Variants in DNAH17 observed in about 807,000 individuals in gnomAD.
DNAH17 encodes the protein axonemal beta dynein heavy chain 17.
DNAH17 carries 376 observed loss-of-function variants against 485.6 expected under a neutral mutation model. The ratio of observed to expected loss-of-function variants is 0.77; its 90% CI spans 0.71 to 0.84. The LOEUF (loss-of-function observed/expected upper bound fraction) is 0.84. Among genes scored for constraint, DNAH17 ranks in the 40% least tolerant of loss-of-function variants. The pLI is 0.00. For synonymous variants in DNAH17, 3,031 were observed against 2,405.9 expected (o/e 1.26, Z -7.60); for missense variants, 6,370 against 5,839.3 (o/e 1.09, Z -2.96).
At position 78,445,598 on chromosome 17, in the gene DNAH17, G is replaced by A. The variant is rs1568060984; in HGVS notation, c.11294C>T (p.Pro3765Leu). Reference sequence around the variant, plus strand: ...GCCTTGATGCTGGAGGAAGTCCACTGGTGAGACCACTCCGGCCTTAAAAGG... The same window carrying A: ...GCCTTGATGCTGGAGGAAGTCCACTAGTGAGACCACTCCGGCCTTAAAAGG... ...RFPFKAGVVS[P>L]VDFLQHQGWG... The change falls in exon 70 of 81, where the codon CCA becomes CTA. Residue 3765 changes from proline to leucine, a missense_variant. Physicochemically the swap from Pro to Leu is moderately conservative, Grantham distance 98. Transcript: ENST00000389840. 1.3e-6 allele frequency: 2 copies of A among 1,564,392 alleles called. No homozygotes were observed. Among genetic ancestry groups the A allele is most frequent in the Admixed American group, 3.8e-5 (2 of 52,642 alleles).
intron 31 of DNAH17, among the ~76,000 whole-genome samples, chr17:78,504,221 A>G (rs2090407059): frequency 6.6e-6 from 1 of 152,066 alleles, no homozygotes; most frequent in East Asian, 1.9e-4. Flanking sequence ...GTCTGCCACC[A>G]CACCTGGTTA....
chr17:78,574,819 A>G lies in DNAH17; in HGVS notation c.239T>C (p.Ile80Thr). Residue 80 changes from isoleucine (I) to threonine (T), a missense_variant, in exon 2 of 81, where the codon ATC becomes ACC. Transcript: ENST00000389840. The part of the protein sequence containing the change: ...QSLKSKGVYF[I>T]KTKSENINKD... ...GTTGATGTTCTCGGACTTTGTCTTG[A>G]TGAAGTAAACCCCTTTGGACTTGAG... The G allele has an allele frequency of 6.2e-7, 1 of 1,613,974 alleles. No individual in the cohort carries two copies. The highest frequency in any genetic ancestry group is 8.5e-7 in the Non-Finnish European group (1 of 1,179,870).
intron 31 of DNAH17, among the ~76,000 whole-genome samples, chr17:78,504,267 G>A (rs2090409093): frequency 6.6e-6 from 1 of 152,072 alleles, no homozygotes; most frequent in African/African-American, 2.4e-5. Context: ...GTTTCGCCGT[G>A]TTAGCCAGGC....
At position 78,543,384 on chromosome 17, in the gene DNAH17, G is replaced by T. The variant is rs369948620; in HGVS notation, c.2532+473C>A. 2.6e-5 allele frequency among the ~76,000 whole-genome samples: 4 copies of T among 151,262 alleles called. No homozygotes were observed. In the East Asian group the frequency reaches 5.8e-4, roughly 22 times the overall value. On this transcript the variant is annotated intron_variant, in intron 17 of 80. Coordinates refer to ENST00000389840, the MANE Select transcript of DNAH17 (RefSeq NM_173628.4). ...TGGCTCACTGCAAGCTCCGCTTCCC[G>T]GGTTCACGCCATTCTCCTGCCTCAG...
chr17:78,428,751 G>A (rs971018809), intron 76 of DNAH17, 44 bp from the exon 77 acceptor site: 3 of 1,605,376 alleles, frequency 1.9e-6, no homozygotes, highest in Non-Finnish European at 2.6e-6. Context: ...AGCTGTGCAG[G>A]CTGAAACCCA....
At chr17:78,439,306 C>A (rs1431352548) in intron 72 of DNAH17, 89 bp from the exon 73 acceptor site, 2 of 1,428,022 alleles carry the variant, frequency 1.4e-6, no homozygotes, top group Non-Finnish European at 9.3e-7. Context: ...ATTCCACATG[C>A]CTCCCTCATT....
rs542801255 is a variant in DNAH17, at chr17:78,491,806, C to T, written c.6542-236G>A. Among the ~76,000 whole-genome samples, 19 of 152,352 alleles carry T rather than the reference C, an allele frequency of 1.2e-4. No homozygotes were observed. In the East Asian group the frequency reaches 2.9e-3, roughly 23 times the overall value. On this transcript the variant is annotated intron_variant, in intron 42 of 80. Transcript: ENST00000389840. Reference sequence around the variant, plus strand: ...GCCTGTCCTCCTCCGACCCTGCACCCTCCCTGTCAGCCCCTCTTTGTGGCC... The same window carrying T: ...GCCTGTCCTCCTCCGACCCTGCACCTTCCCTGTCAGCCCCTCTTTGTGGCC...
At position 78,423,770 on chromosome 17, in the gene DNAH17, G is replaced by T; in HGVS notation, c.*136C>A. 3 of 1,170,868 alleles carry T rather than the reference G, an allele frequency of 2.6e-6. No homozygotes were observed. The highest frequency in any genetic ancestry group is 3.6e-6 in the Non-Finnish European group (3 of 824,912). The allele number at this position is 1,170,868 out of a possible 1,614,324, so 72.5% of individuals were successfully genotyped here. On this transcript the variant is annotated 3_prime_UTR_variant, in exon 81 of 81. Coordinates refer to ENST00000389840, the MANE Select transcript of DNAH17 (RefSeq NM_173628.4). ...TCCACCCTCTGGTTCCGATGTGCTT[G>T]GTTACAAAGCACCTGATTATTTAAG...
At chr17:78,541,287 T>G (rs1463889742) in intron 17 of DNAH17, among the ~76,000 whole-genome samples, 4 of 20,422 alleles carry the variant, frequency 2.0e-4, no homozygotes, top group Non-Finnish European at 2.6e-4. Flanking sequence ...AGCAAGCAGA[T>G]GGGTGGGTGG....
intron 43 of DNAH17, 97 bp downstream of exon 43, chr17:78,491,346 G>C: frequency 6.7e-7 from 1 of 1,487,112 alleles, no homozygotes; most frequent in Non-Finnish European, 9.0e-7. Flanking sequence ...GCCAAGCCTG[G>C]CATGCAGGGC....
At chr17:78,424,555 A>G (rs909329989) in intron 80 of DNAH17, 2 of 166,804 alleles carry the variant, frequency 1.2e-5, no homozygotes, top group African/African-American at 2.5e-5. Context: ...ATCTGTGCAT[A>G]TAAATATTGC....
chr17:78,457,241 C>T (rs540817653), intron 62 of DNAH17, among the ~76,000 whole-genome samples: 4 of 152,204 alleles, frequency 2.6e-5, no homozygotes, highest in African/African-American at 9.6e-5. Context: ...TGTGGTGGCA[C>T]GCATCTGTGG....
Position 78,562,125 on chromosome 17 carries a change from G to A in DNAH17, c.1570-145C>T. 6 of 1,026,588 alleles carry A rather than the reference G, an allele frequency of 5.8e-6. No homozygotes were observed. The South Asian group carries it at 9.7e-5, about 17-fold the overall frequency. 63.6% of individuals were successfully genotyped at this position (1,026,588 alleles called of 1,614,324 possible). ...AACAAAACAATCCACTGGAACCTTT[G>A]TGTGTGTCAACTGGCTCAGTGGAAG... On this transcript the variant is annotated intron_variant, in intron 11 of 80. Coordinates refer to ENST00000389840, the MANE Select transcript of DNAH17 (RefSeq NM_173628.4).
chr17:78,460,022 G>T (rs773743219), intron 59 of DNAH17, 21 bp from the exon 60 acceptor site: 2 of 1,611,216 alleles, frequency 1.2e-6, no homozygotes, highest in Non-Finnish European at 1.7e-6. Context: ...CAGACGGGAT[G>T]GGTCCGATGG....
At position 78,441,788 on chromosome 17, in the gene DNAH17, C is replaced by T. The variant is rs374860637; in HGVS notation, c.11529-589G>A. Among the ~76,000 whole-genome samples the T allele has an allele frequency of 4.6e-5, 7 of 152,224 alleles. No homozygotes were observed. The East Asian group carries it at 1.4e-3, about 29-fold the overall frequency. On this transcript the variant is annotated intron_variant, in intron 71 of 80. Coordinates refer to ENST00000389840, the MANE Select transcript of DNAH17 (RefSeq NM_173628.4). ...ATGTATAAAGAATGAATCACCTGAG[C>T]TAAGATTAGTAAACTTGCCAGTGTG...
intron 11 of DNAH17, among the ~76,000 whole-genome samples, chr17:78,562,289 C>G (rs922325854): frequency 2.0e-5 from 3 of 152,054 alleles, no homozygotes; most frequent in Admixed American, 6.5e-5. Context: ...AAGACTTAAA[C>G]AATTAAAAAA....
rs147648614 is a variant in DNAH17 at position 78,476,774 on chromosome 17, G to A, written c.7993-41C>T. 939 of 1,592,352 alleles carry A rather than the reference G, an allele frequency of 5.9e-4. 6 individuals are homozygous for A. In the African/African-American group the frequency reaches 0.01, roughly 17 times the overall value. On this transcript the variant is annotated intron_variant, in intron 51 of 80. Coordinates refer to ENST00000389840, the MANE Select transcript of DNAH17 (RefSeq NM_173628.4). Reference sequence around the variant, plus strand: ...GATGATCAGCACCGTCAGCTGTTACGAAGGCGAGCCCAGAGCTGGACACAG... The same window carrying A: ...GATGATCAGCACCGTCAGCTGTTACAAAGGCGAGCCCAGAGCTGGACACAG...
rs770364835 is a variant in DNAH17 at position 78,505,481 on chromosome 17, G to A, written c.4804-36C>T. 2.5e-6 allele frequency: 4 copies of A among 1,613,266 alleles called. No homozygotes were observed. The East Asian group carries it at 6.7e-5, about 27-fold the overall frequency. ...GCAAGAAGCGGGAATTATGCAACGG[G>A]GGATTTGAAAGGCATGTGCGTGGCT... On this transcript the variant is annotated intron_variant, in intron 30 of 80. Transcript: ENST00000389840.
At position 78,529,531 on chromosome 17, in the gene DNAH17, T is replaced by C. The variant is rs1288330473; in HGVS notation, c.3448A>G (p.Ile1150Val). ...DNMFEPLKQT[I>V]ELLKTYGEEM... is the part of the protein sequence containing the mutation. ...TCCCCGTAGGTCTTGAGCAGCTCGA[T>C]GGTTTGCTTCAGGGGCTCAAACATG... is the stretch of plus-strand genomic sequence containing the variant. Residue 1150 changes from isoleucine to valine, a missense_variant, in exon 22 of 81, where the codon ATC becomes GTC. Physicochemically the swap from Ile to Val is conservative, Grantham distance 29. Coordinates refer to ENST00000389840, the MANE Select transcript of DNAH17 (RefSeq NM_173628.4). 6.2e-6 allele frequency: 10 copies of C among 1,613,848 alleles called. No individual in the cohort carries two copies. Among genetic ancestry groups the C allele is most frequent in the Non-Finnish European group, 8.5e-6 (10 of 1,179,882 alleles).
Sources: allele counts gnomAD v4.1 joint callset (sites outside exome capture counted in the v4.1 genomes callset), GRCh38; gene constraint gnomAD v4.1.1; transcripts MANE v1.5; gene names NCBI Gene and HGNC (gene_info 2026-07-23, HGNC 2026-07-21).